The following SAMTOR variants were observed in gnomAD, a reference collection of about 807,000 sequenced individuals.
The protein encoded by SAMTOR is S-adenosylmethionine sensor upstream of mTORC1.
chr7:112,890,266 G>A, the SAMTOR span, among the ~76,000 whole-genome samples: 1 of 152,126 alleles, frequency 6.6e-6, no homozygotes, highest in Non-Finnish European at 1.5e-5. Flanking sequence ...CTTACTGACT[G>A]AGGTGTTTGA....
the SAMTOR span, among the ~76,000 whole-genome samples, chr7:112,911,900 G>A: frequency 6.6e-6 from 1 of 151,706 alleles, no homozygotes; most frequent in Non-Finnish European, 1.5e-5. Flanking sequence ...TGCAGAATGT[G>A]GGATATTCTA....
chr7:112,907,124 T>C, the SAMTOR span, among the ~76,000 whole-genome samples: 7 of 152,034 alleles, frequency 4.6e-5, no homozygotes, highest in Non-Finnish European at 1.0e-4. Flanking sequence ...AAAATAGTGA[T>C]AGTAGGCATG....
the SAMTOR span, among the ~76,000 whole-genome samples, chr7:112,854,485 A>G: frequency 2.0e-5 from 3 of 152,200 alleles, no homozygotes; most frequent in Non-Finnish European, 4.4e-5. Flanking sequence ...GAAGGGAACC[A>G]GATATTGGCT....
the SAMTOR span, among the ~76,000 whole-genome samples, chr7:112,841,376 G>A: frequency 6.6e-6 from 1 of 152,088 alleles, no homozygotes; most frequent in Non-Finnish European, 1.5e-5. Flanking sequence ...ACTTACAAGG[G>A]ATGTGAAGGA....
At chr7:112,847,718 C>T in the SAMTOR span, among the ~76,000 whole-genome samples, 2 of 152,090 alleles carry the variant, frequency 1.3e-5, no homozygotes, top group South Asian at 2.1e-4. Context: ...GCGGAGGTTG[C>T]GGTGAGCCAA....
the SAMTOR span, among the ~76,000 whole-genome samples, chr7:112,912,302 C>A: frequency 6.6e-4 from 100 of 152,022 alleles, 1 homozygote; most frequent in African/African-American, 2.3e-3. Flanking sequence ...CTAAAAAAGG[C>A]AAATTCCTTT....
the SAMTOR span, chr7:112,915,273 A>C: frequency 6.4e-7 from 1 of 1,565,430 alleles, no homozygotes; most frequent in Non-Finnish European, 8.6e-7. Context: ...AATACATTTG[A>C]AACCAAAAAC....
At chr7:112,876,053 T>C in the SAMTOR span, among the ~76,000 whole-genome samples, 13 of 152,154 alleles carry the variant, frequency 8.5e-5, no homozygotes, top group African/African-American at 3.1e-4. Flanking sequence ...CTCCGCCTCC[T>C]GAGCTCAAGT....
chr7:112,920,479 C>G, the SAMTOR span, among the ~76,000 whole-genome samples: 3 of 148,830 alleles, frequency 2.0e-5, no homozygotes, highest in African/African-American at 7.5e-5. Flanking sequence ...TATGACAAAC[C>G]CACAGCCAAT....
chr7:112,932,736 T>C, the SAMTOR span, among the ~76,000 whole-genome samples: 14 of 152,306 alleles, frequency 9.2e-5, no homozygotes, highest in South Asian at 2.9e-3. Context: ...CACTTACTTA[T>C]GTAGGATTCT....
At chr7:112,894,852 C>T in the SAMTOR span, among the ~76,000 whole-genome samples, 3 of 152,090 alleles carry the variant, frequency 2.0e-5, no homozygotes, top group South Asian at 2.1e-4. Flanking sequence ...TGGTGCCAAT[C>T]GACTTGCTTG....
the SAMTOR span, among the ~76,000 whole-genome samples, chr7:112,853,508 G>A: frequency 1.6e-4 from 25 of 152,098 alleles, no homozygotes; most frequent in African/African-American, 5.8e-4. Flanking sequence ...TTGGTGTGTG[G>A]CCAGTGCTGA....
the SAMTOR span, among the ~76,000 whole-genome samples, chr7:112,841,949 A>G: frequency 2.6e-5 from 4 of 152,106 alleles, no homozygotes; most frequent in African/African-American, 9.7e-5. Context: ...AAAGACTTAA[A>G]CTTAAGACCT....
chr7:112,906,830 A>G, the SAMTOR span, among the ~76,000 whole-genome samples: 1 of 152,156 alleles, frequency 6.6e-6, no homozygotes, highest in South Asian at 2.1e-4. Context: ...TCGGCCTCCC[A>G]AAGTGCTGGG....
At chr7:112,897,853 A>G in the SAMTOR span, among the ~76,000 whole-genome samples, 1 of 152,228 alleles carries the variant, frequency 6.6e-6, no homozygotes, top group Non-Finnish European at 1.5e-5. Context: ...CACCTTCATA[A>G]GAACTAAGTC....
At chr7:112,894,214 A>C in the SAMTOR span, among the ~76,000 whole-genome samples, 1 of 150,450 alleles carries the variant, frequency 6.6e-6, no homozygotes, top group African/African-American at 2.5e-5. Flanking sequence ...GAGAGAGGAG[A>C]GGGGAGAGAG....
the SAMTOR span, among the ~76,000 whole-genome samples, chr7:112,865,683 T>TATATTTTTTCATATATACATATATTC: frequency 9.4e-6 from 1 of 106,048 alleles, no homozygotes; most frequent in Non-Finnish European, 1.7e-5. Context: ...TATATTCATA[T>TATATTTTTTCATATATACATATATTC]ATATTTCATA....
the SAMTOR span, among the ~76,000 whole-genome samples, chr7:112,898,172 C>G: frequency 6.6e-6 from 1 of 152,190 alleles, no homozygotes; most frequent in Non-Finnish European, 1.5e-5. Flanking sequence ...TAGTCCTAGT[C>G]TGCTTTGCTA....
At chr7:112,937,364 G>A in the SAMTOR span, among the ~76,000 whole-genome samples, 1 of 152,136 alleles carries the variant, frequency 6.6e-6, no homozygotes, top group Admixed American at 6.5e-5. Context: ...TTGATTCAAT[G>A]GGCCTTTGCA....
Sources: allele counts gnomAD v4.1 joint callset (sites outside exome capture counted in the v4.1 genomes callset), GRCh38; gene constraint gnomAD v4.1.1; transcripts MANE v1.5; gene names NCBI Gene and HGNC (gene_info 2026-07-23, HGNC 2026-07-21).